The following SAMD3 variants were observed in gnomAD, a reference collection of about 807,000 sequenced individuals.
SAMD3 encodes the protein sterile alpha motif domain-containing protein 3.
A neutral mutation model predicts 58.5 loss-of-function variants in SAMD3; 63 were observed. That is an observed-to-expected ratio of 1.08 (90% CI 0.88 to 1.33). The LOEUF is 1.33. Ranked by LOEUF, SAMD3 falls within the 40% of genes most tolerant of loss-of-function variation. The probability of loss-of-function intolerance (pLI) is 0.00; values close to 1 mark genes in which losing one functional copy is unlikely to be tolerated. For synonymous variants in SAMD3, 220 were observed against 210.3 expected (o/e 1.05, Z -0.40); for missense variants, 604 against 608.4 (o/e 0.99, Z 0.08).
intron 8 of SAMD3, among the ~76,000 whole-genome samples, chr6:130,172,782 T>G (rs1206622100): frequency 6.6e-6 from 1 of 152,204 alleles, no homozygotes; most frequent in African/African-American, 2.4e-5. Context: ...TTCTCCTGGA[T>G]AATAACCAGA....
intron 5 of SAMD3, among the ~76,000 whole-genome samples, chr6:130,198,276 T>C (rs1364814006): frequency 6.6e-6 from 1 of 152,132 alleles, no homozygotes; most frequent in Non-Finnish European, 1.5e-5. Flanking sequence ...CAATGATGAC[T>C]CACTGCAGCC....
intron 2 of SAMD3, among the ~76,000 whole-genome samples, chr6:130,240,644 G>A (rs1773323939): frequency 6.6e-6 from 1 of 152,182 alleles, no homozygotes; most frequent in Non-Finnish European, 1.5e-5. Context: ...TGGGAAGTGT[G>A]TAGGTTGTGA....
At chr6:130,225,052 C>A (rs1323344194), upstream of SAMD3, among the ~76,000 whole-genome samples, 1 of 152,024 alleles carries the variant, frequency 6.6e-6, no homozygotes, top group Non-Finnish European at 1.5e-5. Context: ...TAAAGAGAGA[C>A]AGACAGAGAC....
chr6:130,181,989 C>T (rs1444097607), intron 7 of SAMD3, among the ~76,000 whole-genome samples: 1 of 150,566 alleles, frequency 6.6e-6, no homozygotes, highest in East Asian at 2.0e-4. Context: ...GGCGTGAACC[C>T]ATGAGGCGGA....
intron 2 of SAMD3, among the ~76,000 whole-genome samples, chr6:130,233,762 A>C (rs1201722916): frequency 6.6e-6 from 1 of 152,234 alleles, no homozygotes; most frequent in African/African-American, 2.4e-5. Flanking sequence ...TTCAAGGTGT[A>C]GAAATCAACT....
At chr6:130,323,802 C>CAAAAA (rs766078214) in intron 1 of SAMD3, among the ~76,000 whole-genome samples, 7,004 of 53,334 alleles carry the variant, frequency 0.13, 939 homozygotes, top group Non-Finnish European at 0.15. Flanking sequence ...GACTCTGTCT[C>CAAAAA]AAAAAAAAAA....
At chr6:130,252,445 A>C (rs897312934) in intron 2 of SAMD3, among the ~76,000 whole-genome samples, 1 of 152,178 alleles carries the variant, frequency 6.6e-6, no homozygotes, top group African/African-American at 2.4e-5. Context: ...TTTATTCAAA[A>C]CTTTAGTTTA....
chr6:130,180,941 T>C (rs1562405963), intron 7 of SAMD3, among the ~76,000 whole-genome samples: 1 of 64,296 alleles, frequency 1.6e-5, no homozygotes, highest in African/African-American at 4.7e-5. Context: ...TCTTTTTTCT[T>C]TTTCTTTCTT....
intron 2 of SAMD3, among the ~76,000 whole-genome samples, chr6:130,308,073 G>T (rs1184297334): frequency 1.3e-5 from 2 of 152,074 alleles, no homozygotes; most frequent in Non-Finnish European, 2.9e-5. Context: ...ATCCTGGAAG[G>T]TTTCTCTCAC....
At chr6:130,293,271 G>T (rs536735049) in intron 2 of SAMD3, among the ~76,000 whole-genome samples, 64 of 152,262 alleles carry the variant, frequency 4.2e-4, no homozygotes, top group African/African-American at 1.5e-3. Context: ...GAATGACAGT[G>T]TCTTACACCT....
At chr6:130,261,710 C>T (rs1334920048) in intron 2 of SAMD3, among the ~76,000 whole-genome samples, 1 of 152,106 alleles carries the variant, frequency 6.6e-6, no homozygotes, top group South Asian at 2.1e-4. Flanking sequence ...CTATGTAGTA[C>T]TATGACACCA....
intron 7 of SAMD3, chr6:130,176,268 G>A (rs954799382): frequency 1.5e-5 from 7 of 464,920 alleles, no homozygotes; most frequent in African/African-American, 1.4e-4. Context: ...ATGTCATATG[G>A]TTATTGAGTA....
intron 5 of SAMD3, among the ~76,000 whole-genome samples, chr6:130,193,450 C>T (rs532970435): frequency 6.6e-5 from 10 of 152,044 alleles, no homozygotes; most frequent in East Asian, 3.9e-4. Context: ...TTCCACGCCC[C>T]GACCTCTTAT....
At chr6:130,287,139 T>C (rs1775186387) in intron 2 of SAMD3, among the ~76,000 whole-genome samples, 1 of 152,216 alleles carries the variant, frequency 6.6e-6, no homozygotes, top group Non-Finnish European at 1.5e-5. Context: ...TAAATGAGCA[T>C]ATATGGTATG....
intron 7 of SAMD3, chr6:130,183,261 C>A: frequency 2.4e-6 from 1 of 416,360 alleles, no homozygotes; most frequent in South Asian, 1.8e-5. Context: ...TGCTTGAACC[C>A]AGGAGGCGGA....
chr6:130,313,796 C>T (rs1347598067), intron 1 of SAMD3, among the ~76,000 whole-genome samples: 3 of 152,152 alleles, frequency 2.0e-5, no homozygotes, highest in Non-Finnish European at 2.9e-5. Flanking sequence ...ACCTACTATC[C>T]CGAGATTTAA....
upstream of SAMD3, among the ~76,000 whole-genome samples, chr6:130,225,777 T>C (rs79639461): frequency 6.6e-6 from 1 of 152,146 alleles, no homozygotes; most frequent in Non-Finnish European, 1.5e-5. Context: ...TATGAGAAAA[T>C]TCAGTATTTC....
At chr6:130,344,020 A>G (rs1777363611) in intron 1 of SAMD3, among the ~76,000 whole-genome samples, 1 of 151,848 alleles carries the variant, frequency 6.6e-6, no homozygotes, top group Admixed American at 6.5e-5. Flanking sequence ...AATAACCCCC[A>G]TAAGAGAGTG....
At chr6:130,171,649 A>G (rs1464765924) in intron 8 of SAMD3, among the ~76,000 whole-genome samples, 1 of 152,238 alleles carries the variant, frequency 6.6e-6, no homozygotes, top group Non-Finnish European at 1.5e-5. Flanking sequence ...ATTTTAGAAT[A>G]CGTGCTGTGT....
Sources: allele counts gnomAD v4.1 joint callset (sites outside exome capture counted in the v4.1 genomes callset), GRCh38; gene constraint gnomAD v4.1.1; transcripts MANE v1.5; gene names NCBI Gene and HGNC (gene_info 2026-07-23, HGNC 2026-07-21).